SLC22A23: variants seen among roughly 807,000 people sequenced by gnomAD.
The protein encoded by SLC22A23 is ion transporter protein.
SLC22A23 carries 26 observed loss-of-function variants against 61.0 expected under a neutral mutation model. That is an observed-to-expected ratio of 0.43 (90% CI 0.31 to 0.59). SLC22A23 has a LOEUF of 0.59. Among genes scored for constraint, SLC22A23 ranks in the 20% least tolerant of loss-of-function variants. The probability of loss-of-function intolerance (pLI) is 0.11; values close to 1 mark genes in which losing one functional copy is unlikely to be tolerated. For synonymous variants in SLC22A23, 430 were observed against 413.9 expected (o/e 1.04, Z -0.47); for missense variants, 796 against 934.7 (o/e 0.85, Z 1.94).
In SLC22A23 at chr6:3,318,125, TG is replaced by T. The variant is rs1561893899; in HGVS notation, c.1082+5708del. ...CTTTTCCTGGCCAGCGTCTCCACCC[TG>T]GGGGTCACTTCATTCCAGAACTCTG... On this transcript the variant is annotated intron_variant, in intron 4 of 9. Coordinates refer to ENST00000406686, the MANE Select transcript of SLC22A23 (RefSeq NM_015482.2). The surrounding 1 kb of genome is among the most constrained non-coding windows in gnomAD (Gnocchi z 4.3). Among the ~76,000 whole-genome samples the T allele has an allele frequency of 2.6e-5, 4 of 152,176 alleles. No homozygotes were observed. The highest frequency in any genetic ancestry group is 1.3e-4 in the Admixed American group (2 of 15,276).
intron 4 of SLC22A23, among the ~76,000 whole-genome samples, chr6:3,316,210 T>C (rs1762629966): frequency 6.6e-6 from 1 of 152,228 alleles, no homozygotes; most frequent in Non-Finnish European, 1.5e-5. Flanking sequence ...CATTTGTGAG[T>C]GATTTGGTGA....
intron 3 of SLC22A23, among the ~76,000 whole-genome samples, chr6:3,348,537 G>C (rs189229062): frequency 6.6e-6 from 1 of 152,062 alleles, no homozygotes; most frequent in Admixed American, 6.6e-5. Flanking sequence ...TATAGAATCC[G>C]GCCCTGTTGA....
intron 1 of SLC22A23, chr6:3,439,519 C>T (rs914134398): frequency 4.7e-6 from 1 of 213,066 alleles, no homozygotes; most frequent in African/African-American, 2.3e-5. Context: ...TATGATCCAC[C>T]CAAGTTTGAT....
At chr6:3,340,282 G>T (rs1011328990) in intron 3 of SLC22A23, among the ~76,000 whole-genome samples, 6 of 152,216 alleles carry the variant, frequency 3.9e-5, no homozygotes, top group Non-Finnish European at 7.3e-5. Context: ...CTATCTGGAA[G>T]AAATGTTTGT....
At position 3,327,380 on chromosome 6, in the gene SLC22A23, T is replaced by C. The variant is rs1203359987; in HGVS notation, c.914-3378A>G. On this transcript the variant is annotated intron_variant, in intron 3 of 9. Coordinates refer to ENST00000406686, the MANE Select transcript of SLC22A23 (RefSeq NM_015482.2). The surrounding 1 kb of genome is among the most constrained non-coding windows in gnomAD (Gnocchi z 4.1). ...CCAATGGAACCAAACCCAAATCCTT[T>C]TAGTAGATTTTCATTCATGGGCAGC... Among the ~76,000 whole-genome samples the C allele has an allele frequency of 6.6e-6, 1 of 152,330 alleles. No homozygotes were observed. The highest frequency in any genetic ancestry group is 2.1e-4 in the South Asian group (1 of 4,826).
Position 3,273,354 on chromosome 6 carries a change from T to TG in SLC22A23, c.1761dup (p.Ile588HisfsTer41). On this transcript the variant is annotated frameshift_variant, in exon 10 of 10. Transcript: ENST00000406686. LOFTEE classifies it high-confidence loss of function. ...CCTTTCTGGTTGTGCAGCTCGATGA[T>TG]GGGTGCCGTCAGCATGCCGAAGCCC... 1 of 1,613,778 alleles carries TG rather than the reference T, an allele frequency of 6.2e-7. No homozygotes were observed. The highest frequency in any genetic ancestry group is 8.5e-7 in the Non-Finnish European group (1 of 1,179,960).
chr6:3,444,295 C>T (rs995276023), intron 1 of SLC22A23, among the ~76,000 whole-genome samples: 1 of 152,216 alleles, frequency 6.6e-6, no homozygotes, highest in Non-Finnish European at 1.5e-5. Flanking sequence ...AAACCCCAGC[C>T]TGCAGAAGAT....
In SLC22A23 at chr6:3,280,007, C is replaced by A. The variant is rs4383859; in HGVS notation, c.1703+3845G>T. Among the ~76,000 whole-genome samples, 19 of 152,324 alleles carry A rather than the reference C, an allele frequency of 1.2e-4. 1 individual carries two copies. In the South Asian group the frequency reaches 1.4e-3, roughly 12 times the overall value. On this transcript the variant is annotated intron_variant, in intron 9 of 9. Transcript: ENST00000406686. ...CGTTACCATCTCACATTGAAACACC[C>A]GAGGCGAGGCTCCTGTTCTAGCTCC... is the stretch of plus-strand genomic sequence containing the variant.
At chr6:3,283,644 T>C in intron 9 of SLC22A23, 1 of 645,082 alleles carries the variant, frequency 1.6e-6, no homozygotes, top group Non-Finnish European at 2.6e-6. Flanking sequence ...TGCTGCTGCC[T>C]GGACAGGACC....
At chr6:3,388,121 G>C (rs572586627) in intron 3 of SLC22A23, among the ~76,000 whole-genome samples, 2 of 152,244 alleles carry the variant, frequency 1.3e-5, no homozygotes, top group South Asian at 4.2e-4. Flanking sequence ...GTAGGGAGAG[G>C]GCAAGCCCGC....
chr6:3,348,334 T>G (rs1162076333), intron 3 of SLC22A23, among the ~76,000 whole-genome samples: 1 of 152,198 alleles, frequency 6.6e-6, no homozygotes, highest in East Asian at 1.9e-4. Flanking sequence ...AGGCGCCATC[T>G]TTCCTGGAGC....
At position 3,285,001 on chromosome 6, in the gene SLC22A23, G is replaced by A. The variant is rs189742392; in HGVS notation, c.1579+78C>T. The A allele has an allele frequency of 3.8e-5, 59 of 1,572,854 alleles. No individual in the cohort carries two copies. The Admixed American group carries it at 1.1e-3, about 28-fold the overall frequency. ...GAGAAAGAGAAAATGGAAACCACAG[G>A]TCCGTGAGTCTTCGAGAAAACACCC... On this transcript the variant is annotated intron_variant, in intron 8 of 9. Coordinates refer to ENST00000406686, the MANE Select transcript of SLC22A23 (RefSeq NM_015482.2).
chr6:3,445,942 C>T (rs1215240942), intron 1 of SLC22A23, among the ~76,000 whole-genome samples: 1 of 152,100 alleles, frequency 6.6e-6, no homozygotes, highest in African/African-American at 2.4e-5. Flanking sequence ...GGGCAGGTTT[C>T]CATCTTATTT....
intron 3 of SLC22A23, among the ~76,000 whole-genome samples, chr6:3,371,829 T>A (rs1415075115): frequency 6.6e-6 from 1 of 152,140 alleles, no homozygotes; most frequent in Non-Finnish European, 1.5e-5. Flanking sequence ...TTATCTAACC[T>A]AAGATGCCAT....
intron 3 of SLC22A23, among the ~76,000 whole-genome samples, chr6:3,326,001 C>CTACACT (rs1402505076): frequency 2.6e-5 from 4 of 152,254 alleles, no homozygotes; most frequent in African/African-American, 9.6e-5. Flanking sequence ...ATATCTGCAA[C>CTACACT]TACACTTCTT....
chr6:3,413,907 C>T (rs530891718), intron 2 of SLC22A23, among the ~76,000 whole-genome samples: 226 of 152,250 alleles, frequency 1.5e-3, no homozygotes, highest in Non-Finnish European at 2.2e-3. Flanking sequence ...CCCTGATTCC[C>T]GGGGCACCCC....
chr6:3,414,416 G>C lies in SLC22A23; in HGVS notation c.758+1336C>G, dbSNP rs1384315268. 2.6e-5 allele frequency among the ~76,000 whole-genome samples: 4 copies of C among 152,084 alleles called. No homozygotes were observed. The highest frequency in any genetic ancestry group is 5.9e-5 in the Non-Finnish European group (4 of 68,020). On this transcript the variant is annotated intron_variant, in intron 2 of 9. Transcript: ENST00000406686. The surrounding 1 kb of genome is among the most constrained non-coding windows in gnomAD (Gnocchi z 5.1). ...CCTGCGTAGGTCTCCAGAGGTCACT[G>C]ACTGCTTCTCTGTTGCTGTCCACAG...
chr6:3,398,126 C>A (rs1043526708), intron 3 of SLC22A23, among the ~76,000 whole-genome samples: 1 of 152,168 alleles, frequency 6.6e-6, no homozygotes, highest in Non-Finnish European at 1.5e-5. Flanking sequence ...CTTAGCAATG[C>A]CAGTTCGACA....
At chr6:3,408,325 C>T (rs1338173724) in intron 3 of SLC22A23, among the ~76,000 whole-genome samples, 1 of 152,214 alleles carries the variant, frequency 6.6e-6, no homozygotes, top group Non-Finnish European at 1.5e-5. Context: ...ACATCTTCAA[C>T]ATAATATTTT....
Sources: allele counts gnomAD v4.1 joint callset (sites outside exome capture counted in the v4.1 genomes callset), GRCh38; gene constraint gnomAD v4.1.1; non-coding constraint Gnocchi (gnomAD v3.1); transcripts MANE v1.5; gene names NCBI Gene and HGNC (gene_info 2026-07-23, HGNC 2026-07-21).